Variants in ZC3H3 observed in about 807,000 individuals in gnomAD.
ZC3H3 encodes the protein zinc finger CCCH domain-containing protein 3.
ZC3H3 carries 36 observed loss-of-function variants against 77.3 expected under a neutral mutation model. The ratio of observed to expected loss-of-function variants is 0.47; its 90% CI spans 0.36 to 0.61. The LOEUF (loss-of-function observed/expected upper bound fraction) is 0.61, where lower values mean the gene tolerates loss of function less well. Ranked by LOEUF, ZC3H3 falls within the 20% of genes least tolerant of loss-of-function variation. The pLI is 0.00. For synonymous variants in ZC3H3, 626 were observed against 555.2 expected, an observed-to-expected ratio of 1.13 and a Z score of -1.79; for missense variants, 1,331 against 1,312.2, an observed-to-expected ratio of 1.01 and a Z score of -0.22.
chr8:143,500,529 T>C (rs1321176917), intron 4 of ZC3H3, among the ~76,000 whole-genome samples: 3 of 152,386 alleles, frequency 2.0e-5, no homozygotes, highest in Admixed American at 2.0e-4. Context: ...TTTCTGCTGC[T>C]ATAACAGAAT....
chr8:143,466,718 C>A (rs1192984221), intron 8 of ZC3H3, among the ~76,000 whole-genome samples: 1 of 152,158 alleles, frequency 6.6e-6, no homozygotes, highest in African/African-American at 2.4e-5. Flanking sequence ...GGAGCCCCCA[C>A]AGAGCCCCTG....
intron 4 of ZC3H3, among the ~76,000 whole-genome samples, chr8:143,503,209 T>C (rs1821578362): frequency 6.6e-6 from 1 of 152,186 alleles, no homozygotes; most frequent in Admixed American, 6.5e-5. Flanking sequence ...CGGCCTCTGA[T>C]GGGAGCACAG....
Position 143,462,267 on chromosome 8 carries a change from G to A in ZC3H3, c.2307+3450C>T, listed in dbSNP as rs947854566. On this transcript the variant is annotated intron_variant, in intron 9 of 11. Coordinates refer to ENST00000262577, the MANE Select transcript of ZC3H3 (RefSeq NM_015117.3). The surrounding 1 kb of genome is among the most constrained non-coding windows in gnomAD (Gnocchi z 4.7). ...ACTGAGGCCAGAGGAGGAAGTAACC[G>A]TGCAGGGACAAGCGACACCCACAGC... is the stretch of plus-strand genomic sequence containing the variant. Among the ~76,000 whole-genome samples, 12 of 152,134 alleles carry A rather than the reference G, an allele frequency of 7.9e-5. No homozygotes were observed. The highest frequency in any genetic ancestry group is 5.9e-5 in the Non-Finnish European group (4 of 68,012).
intron 9 of ZC3H3, among the ~76,000 whole-genome samples, chr8:143,450,979 A>C (rs888197238): frequency 3.9e-5 from 6 of 152,134 alleles, no homozygotes; most frequent in African/African-American, 1.4e-4. Flanking sequence ...AATAATAACA[A>C]GTATATTAAA....
At chr8:143,499,404 C>A (rs1208388203) in intron 4 of ZC3H3, among the ~76,000 whole-genome samples, 2 of 152,124 alleles carry the variant, frequency 1.3e-5, no homozygotes, top group Non-Finnish European at 2.9e-5. Flanking sequence ...CTCCCCGCCC[C>A]CTCTGTGCTC....
intron 2 of ZC3H3, 68 bp downstream of exon 2, chr8:143,537,935 A>AT (rs1822854722): frequency 7.0e-7 from 1 of 1,432,566 alleles, no homozygotes; most frequent in Non-Finnish European, 9.4e-7. Context: ...CAGCAGATCC[A>AT]TTAGGGGTGC....
intron 3 of ZC3H3, among the ~76,000 whole-genome samples, chr8:143,522,663 A>G (rs1165475499): frequency 6.6e-6 from 1 of 152,142 alleles, no homozygotes; most frequent in African/African-American, 2.4e-5. Context: ...TCACGCCTGG[A>G]ATCCCAGCAC....
chr8:143,540,149 A>G (rs904710395), intron 1 of ZC3H3, among the ~76,000 whole-genome samples: 7 of 152,360 alleles, frequency 4.6e-5, no homozygotes, highest in African/African-American at 1.4e-4. Context: ...TTATCCATAC[A>G]CACTTTCCCA....
At chr8:143,541,277 C>T in intron 1 of ZC3H3, 99 bp downstream of exon 1, 1 of 1,577,550 alleles carries the variant, frequency 6.3e-7, no homozygotes, top group Non-Finnish European at 8.6e-7. Context: ...ACCCAGAACA[C>T]GCGGGCGGTG....
intron 11 of ZC3H3, among the ~76,000 whole-genome samples, chr8:143,439,665 A>G (rs553499619): frequency 5.6e-4 from 86 of 152,330 alleles, no homozygotes; most frequent in African/African-American, 1.8e-3. Context: ...CGCAGCGGCC[A>G]CCGCTACACT....
rs1441719806 is a variant in ZC3H3 at position 143,438,400 on chromosome 8, C to T, written c.2816-313G>A. Among the ~76,000 whole-genome samples, 11 of 152,318 alleles carry T rather than the reference C, an allele frequency of 7.2e-5. No individual in the cohort carries two copies. In the South Asian group the frequency reaches 1.9e-3, roughly 26 times the overall value. ...GGTCCTCCTGGGCGGGCGGCAGTCC[C>T]GGCCACAAGGTCTGCAGGGTGGGCC... On this transcript the variant is annotated intron_variant, in intron 11 of 11. Transcript: ENST00000262577.
chr8:143,455,978 C>CAAA (rs58754874), intron 9 of ZC3H3, among the ~76,000 whole-genome samples: 47 of 40,598 alleles, frequency 1.2e-3, no homozygotes, highest in East Asian at 4.6e-3. Context: ...GACTCTGTCT[C>CAAA]AAAAAAAAAA....
chr8:143,439,236 C>T (rs1279338120), intron 11 of ZC3H3, among the ~76,000 whole-genome samples: 1 of 152,186 alleles, frequency 6.6e-6, no homozygotes, highest in Admixed American at 6.5e-5. Flanking sequence ...CGGCTCCACG[C>T]CCCTGACGTG....
Position 143,539,320 on chromosome 8 carries a change from C to A in ZC3H3, c.47G>T (p.Gly16Val). 6.3e-7 allele frequency: 1 copy of A among 1,594,908 alleles called. No individual in the cohort carries two copies. Among genetic ancestry groups the A allele is most frequent in the South Asian group, 1.1e-5 (1 of 89,906 alleles). ...ILRRQIRLLQ[G>V]LIDDYKTLHG... Reference sequence around the variant, plus strand: ...GAGGGTTTTGTAGTCATCAATCAGACCTGAGAAGACAGAACCACAGGCCCA... The same window carrying A: ...GAGGGTTTTGTAGTCATCAATCAGAACTGAGAAGACAGAACCACAGGCCCA... Residue 16 changes from glycine (G) to valine (V), a missense_variant and splice_region_variant, in exon 2 of 12, where the codon GGT (glycine) becomes GTT (valine). By Grantham distance (109) the Gly-to-Val change is moderately radical (BLOSUM62 -3). This residue lies in a region of ZC3H3 where 978 missense variants were observed against 915.5 expected (regional missense o/e 1.07). Transcript: ENST00000262577.
At chr8:143,507,714 G>GGCCTGCAGGA (rs747056808) in intron 4 of ZC3H3, 32 bp downstream of exon 4, 7 of 1,521,844 alleles carry the variant, frequency 4.6e-6, no homozygotes, top group African/African-American at 1.4e-5. Flanking sequence ...CCAGTTCCCA[G>GGCCTGCAGGA]GCCTGCAGGA....
At chr8:143,443,333 G>A (rs986627950) in intron 9 of ZC3H3, among the ~76,000 whole-genome samples, 5 of 149,106 alleles carry the variant, frequency 3.4e-5, no homozygotes, top group African/African-American at 9.9e-5. Context: ...ACTTAGGAGC[G>A]ATGAAGAAAG....
chr8:143,443,883 C>A (rs1222378416), intron 9 of ZC3H3, among the ~76,000 whole-genome samples: 2 of 152,038 alleles, frequency 1.3e-5, no homozygotes, highest in African/African-American at 2.4e-5. Flanking sequence ...AAAAATAAAT[C>A]CAAGTATTTC....
At chr8:143,474,545 G>A (rs554415334) in intron 5 of ZC3H3, among the ~76,000 whole-genome samples, 47 of 152,340 alleles carry the variant, frequency 3.1e-4, no homozygotes, top group African/African-American at 1.1e-3. Context: ...AGGGCGGCCA[G>A]TGAGGCTGGC....
intron 9 of ZC3H3, among the ~76,000 whole-genome samples, chr8:143,449,857 G>C (rs116473095): frequency 0.012 from 1,773 of 152,276 alleles, 41 homozygotes; most frequent in African/African-American, 0.04. Context: ...CAACCTCTTT[G>C]CTAGCACATA....
Sources: gnomAD v4.1 joint callset for allele counts (sites outside exome capture counted in the v4.1 genomes callset) on GRCh38, gnomAD v4.1.1 for gene constraint, gnomAD v4.1.1 regional missense constraint, Gnocchi (gnomAD v3.1) non-coding constraint, MANE v1.5 for transcripts, NCBI Gene and HGNC (gene_info 2026-07-23, HGNC 2026-07-21) for gene names.